Variants in CSNK1G1 observed in about 807,000 individuals in gnomAD.
CSNK1G1 encodes the protein casein kinase I isoform gamma-1.
In CSNK1G1, 22 loss-of-function variants were observed where a neutral mutation model predicts 59.6. The observed-to-expected ratio is 0.37, with a 90% confidence interval of 0.26 to 0.53. CSNK1G1 has a LOEUF of 0.53. Ranked by LOEUF, CSNK1G1 falls within the 20% of genes least tolerant of loss-of-function variation. The probability of loss-of-function intolerance (pLI) is 0.89; values close to 1 mark genes in which losing one functional copy is unlikely to be tolerated. For missense variants in CSNK1G1, 384 were observed against 519.5 expected, an observed-to-expected ratio of 0.74 and a Z score of 2.54; for synonymous variants, 179 against 177.1, an observed-to-expected ratio of 1.01 and a Z score of -0.08.
chr15:64,257,421 T>C (rs1041336687), intron 3 of CSNK1G1, among the ~76,000 whole-genome samples: 1 of 152,040 alleles, frequency 6.6e-6, no homozygotes, highest in Admixed American at 6.6e-5. Context: ...CAAAGATTAT[T>C]CCAACTTATC....
intron 1 of CSNK1G1, among the ~76,000 whole-genome samples, chr15:64,345,256 T>C (rs1318520098): frequency 1.3e-5 from 2 of 152,226 alleles, no homozygotes; most frequent in Admixed American, 1.3e-4. Flanking sequence ...ATTCTATTAC[T>C]TTTAGAATCA....
intron 3 of CSNK1G1, among the ~76,000 whole-genome samples, chr15:64,258,082 C>A (rs1383261548): frequency 1.3e-5 from 2 of 152,080 alleles, no homozygotes; most frequent in African/African-American, 4.8e-5. Flanking sequence ...GAAGAACAAC[C>A]AATCACAGAA....
intron 10 of CSNK1G1, among the ~76,000 whole-genome samples, chr15:64,184,960 C>A (rs2081871221): frequency 6.6e-6 from 1 of 152,184 alleles, no homozygotes; most frequent in Admixed American, 6.5e-5. Context: ...TACTTCAACT[C>A]ATGTGTCATT....
intron 1 of CSNK1G1, among the ~76,000 whole-genome samples, chr15:64,346,101 A>G (rs926755309): frequency 1.3e-5 from 2 of 152,014 alleles, no homozygotes; most frequent in Non-Finnish European, 2.9e-5. Context: ...GCATAAACCA[A>G]TTGGTCACGA....
At chr15:64,198,163 G>T (rs1050808964) in intron 10 of CSNK1G1, among the ~76,000 whole-genome samples, 1 of 149,882 alleles carries the variant, frequency 6.7e-6, no homozygotes, top group Non-Finnish European at 1.5e-5. Context: ...TGAGGACAAG[G>T]ACTCCCTACT....
intron 2 of CSNK1G1, among the ~76,000 whole-genome samples, chr15:64,269,229 C>G (rs370724912): frequency 5.9e-5 from 9 of 152,130 alleles, no homozygotes; most frequent in African/African-American, 2.2e-4. Context: ...TCCTCCTCAA[C>G]TTTTTGAAAC....
At chr15:64,300,229 TA>T in intron 2 of CSNK1G1, 89 bp downstream of exon 2, 2 of 1,305,252 alleles carry the variant, frequency 1.5e-6, no homozygotes, top group Non-Finnish European at 2.1e-6. Flanking sequence ...AAATTTCTTG[TA>T]AAACTATAAA....
At chr15:64,197,209 T>C (rs1189241645) in intron 10 of CSNK1G1, among the ~76,000 whole-genome samples, 2 of 152,250 alleles carry the variant, frequency 1.3e-5, no homozygotes, top group African/African-American at 4.8e-5. Flanking sequence ...GAGCTCTTCT[T>C]TCTCCTTCTA....
intron 4 of CSNK1G1, among the ~76,000 whole-genome samples, chr15:64,247,934 C>T (rs1249346229): frequency 6.6e-6 from 1 of 152,154 alleles, no homozygotes; most frequent in Non-Finnish European, 1.5e-5. Context: ...ACTGAACAAA[C>T]CTAAGTCACA....
intron 2 of CSNK1G1, among the ~76,000 whole-genome samples, chr15:64,267,256 C>CAAAAAAAAAAAAAAAAAAAAAAAAA (rs199581105): frequency 3.2e-5 from 2 of 61,838 alleles, no homozygotes; most frequent in African/African-American, 4.8e-5. Context: ...GACCTTATCT[C>CAAAAAAAAAAAAAAAAAAAAAAAAA]AAAAAAAAAA....
At chr15:64,339,315 T>C (rs1897567752) in intron 1 of CSNK1G1, among the ~76,000 whole-genome samples, 2 of 151,918 alleles carry the variant, frequency 1.3e-5, no homozygotes, top group African/African-American at 4.8e-5. Context: ...TTTGTTGTTA[T>C]TGTTGTTGTT....
intron 1 of CSNK1G1, chr15:64,335,968 G>A (rs1158488029): frequency 6.6e-6 from 1 of 152,094 alleles, no homozygotes; most frequent in Middle Eastern, 3.2e-3. Context: ...ACCTACACTA[G>A]GCCTAACACA....
chr15:64,235,996 GC>G (rs11312631), intron 4 of CSNK1G1, among the ~76,000 whole-genome samples: 152,064 of 152,064 alleles, frequency 1, 76,032 homozygotes, highest in Non-Finnish European at 1. Flanking sequence ...AACAAAATTA[GC>G]CTGGGTGTGG....
chr15:64,178,179 G>A (rs1024993361), intron 11 of CSNK1G1, among the ~76,000 whole-genome samples: 1 of 152,190 alleles, frequency 6.6e-6, no homozygotes, highest in East Asian at 1.9e-4. Context: ...GAGGGTGGGA[G>A]TAACATATTG....
intron 6 of CSNK1G1, among the ~76,000 whole-genome samples, chr15:64,212,528 AAC>A (rs1225054384): frequency 6.6e-6 from 1 of 152,042 alleles, no homozygotes; most frequent in African/African-American, 2.4e-5. Flanking sequence ...CCGCCTGGGG[AAC>A]ACAGTGAGAC....
Position 64,216,416 on chromosome 15 carries a change from TGCCCCAGCCAGC to T in CSNK1G1, c.444+134_444+145del. On this transcript the variant is annotated intron_variant, in intron 5 of 11. Transcript: ENST00000303052. The surrounding 1 kb of genome is among the most constrained non-coding windows in gnomAD (Gnocchi z 4.6). ...GTGACTTCTCTGAATTTACCCTTTT[TGCCCCAGCCAGC>T]TTCCCAGAATGCCATCAAGCCTGTG... 2 of 743,298 alleles carry T rather than the reference TGCCCCAGCCAGC, an allele frequency of 2.7e-6. No homozygotes were observed. Among genetic ancestry groups the T allele is most frequent in the Non-Finnish European group, 4.3e-6 (2 of 464,254 alleles). 46.0% of individuals were successfully genotyped at this position (743,298 alleles called of 1,614,324 possible).
intron 10 of CSNK1G1, among the ~76,000 whole-genome samples, chr15:64,196,046 C>A (rs1429794026): frequency 6.6e-6 from 1 of 151,738 alleles, no homozygotes; most frequent in African/African-American, 2.4e-5. Flanking sequence ...GAGGCCCTGT[C>A]TCTACAAAAA....
In CSNK1G1 at chr15:64,343,025, C is replaced by G. The variant is rs78094406; in HGVS notation, c.-225+12963G>C. On this transcript the variant is annotated intron_variant, in intron 1 of 11. Coordinates refer to ENST00000303052, the MANE Select transcript of CSNK1G1 (RefSeq NM_022048.5). ...ACTATTCTATCTTGACCAGCCTGAC[C>G]AACATGGAGAAACCCTACCTCTATT... Among the ~76,000 whole-genome samples, 1,275 of 152,170 alleles carry G rather than the reference C, an allele frequency of 8.4e-3. 19 individuals carry two copies. The highest frequency in any genetic ancestry group is 0.029 in the African/African-American group (1,196 of 41,516).
In CSNK1G1 at chr15:64,295,847, G is replaced by C. The variant is rs546312402; in HGVS notation, c.181+4472C>G. Among the ~76,000 whole-genome samples, 15 of 152,252 alleles carry C rather than the reference G, an allele frequency of 9.9e-5. 1 individual carries two copies. In the South Asian group the frequency reaches 3.1e-3, roughly 32 times the overall value. On this transcript the variant is annotated intron_variant, in intron 2 of 11. Transcript: ENST00000303052. Reference sequence around the variant, plus strand: ...ATTGCCTACAGGATAAAGTCCAAATGCTTTAATATATGCAAACACTTCACA... The same window carrying C: ...ATTGCCTACAGGATAAAGTCCAAATCCTTTAATATATGCAAACACTTCACA...
Sources: allele counts gnomAD v4.1 joint callset (sites outside exome capture counted in the v4.1 genomes callset), GRCh38; gene constraint gnomAD v4.1.1; non-coding constraint Gnocchi (gnomAD v3.1); transcripts MANE v1.5; gene names NCBI Gene and HGNC (gene_info 2026-07-23, HGNC 2026-07-21).